The following PLCG1 variants were observed in gnomAD, a reference collection of about 807,000 sequenced individuals.
PLCG1 encodes the protein phospholipase C gamma 1, also known as 1-phosphatidylinositol 4,5-bisphosphate phosphodiesterase gamma-1.
PLCG1 carries 71 observed loss-of-function variants against 177.8 expected under a neutral mutation model. The observed-to-expected ratio is 0.40, with a 90% CI of 0.33 to 0.49. The LOEUF (loss-of-function observed/expected upper bound fraction) is 0.49, where lower values mean the gene tolerates loss of function less well. Among genes scored for constraint, PLCG1 ranks in the 20% least tolerant of loss-of-function variants. PLCG1 has a pLI of 0.72. For missense variants in PLCG1, 1,281 were observed against 1,709.0 expected (o/e 0.75, Z 4.42); for synonymous variants, 658 against 647.9 (o/e 1.02, Z -0.24).
In PLCG1 at chr20:41,164,241, C is replaced by T; in HGVS notation, c.1217+40C>T. 6.2e-7 allele frequency: 1 copy of T among 1,609,586 alleles called. No homozygotes were observed. Among genetic ancestry groups the T allele is most frequent in the South Asian group, 1.1e-5 (1 of 90,890 alleles). On this transcript the variant is annotated intron_variant, in intron 12 of 31. Coordinates refer to ENST00000685551, the MANE Select transcript of PLCG1 (RefSeq NM_002660.3). The surrounding 1 kb of genome is among the most constrained non-coding windows in gnomAD (Gnocchi z 6.4). ...GGATGACCCAGGGGTTAACTTGGCT[C>T]CAGGTCTCTCGTTCTAGAGGGACAG... is the stretch of plus-strand genomic sequence containing the variant.
chr20:41,164,005 G>A lies in PLCG1; in HGVS notation c.1095G>A (p.Glu365=). Residue 365 remains glutamate (E), a splice_region_variant and synonymous_variant, in exon 11 of 32, where the codon GAG becomes GAA. Transcript: ENST00000685551. The surrounding 1 kb of genome is among the most constrained non-coding windows in gnomAD (Gnocchi z 6.4). The part of the protein sequence containing the change: ...RCLRMGCRCI[E]LDCWDGPDGM... Reference sequence around the variant, plus strand: ...TGCGGATGGGCTGTCGCTGCATTGAGTGTGCGTGGGGTCCAGGGCTGGGGG... The same window carrying A: ...TGCGGATGGGCTGTCGCTGCATTGAATGTGCGTGGGGTCCAGGGCTGGGGG... 6.2e-7 allele frequency: 1 copy of A among 1,614,192 alleles called. No individual in the cohort carries two copies. The highest frequency in any genetic ancestry group is 8.5e-7 in the Non-Finnish European group (1 of 1,180,028).
chr20:41,157,806 A>T lies in PLCG1; in HGVS notation c.218-1800A>T, dbSNP rs887234104. On this transcript the variant is annotated intron_variant, in intron 1 of 31. Transcript: ENST00000685551. This position sits in a 1 kb window ranked among gnomAD's most constrained non-coding sequence, Gnocchi z 5.4. ...GATGGAGCAGAGAGGGTGAGAGGGCAAAAGCTGGGGAGGTAAATTCCTGAG... is the reference window on the plus strand; with the variant it reads ...GATGGAGCAGAGAGGGTGAGAGGGCTAAAGCTGGGGAGGTAAATTCCTGAG... 1.3e-5 allele frequency among the ~76,000 whole-genome samples: 2 copies of T among 152,186 alleles called. No homozygotes were observed. The highest frequency in any genetic ancestry group is 2.9e-5 in the Non-Finnish European group (2 of 68,034).
Position 41,173,879 on chromosome 20 carries a change from C to T in PLCG1, c.3557-44C>T, listed in dbSNP as rs1184917698. 1.2e-6 allele frequency: 2 copies of T among 1,610,876 alleles called. No individual in the cohort carries two copies. The highest frequency in any genetic ancestry group is 1.7e-5 in the Admixed American group (1 of 59,978). ...TGGCAGGGTGGGGCTGGGCCCCTTGCTCTGTCCCTCGTGGGCTGAGGGCCA... is the reference window on the plus strand; with the variant it reads ...TGGCAGGGTGGGGCTGGGCCCCTTGTTCTGTCCCTCGTGGGCTGAGGGCCA... On this transcript the variant is annotated intron_variant, in intron 29 of 31. Coordinates refer to ENST00000685551, the MANE Select transcript of PLCG1 (RefSeq NM_002660.3). This position sits in a 1 kb window ranked among gnomAD's most constrained non-coding sequence, Gnocchi z 6.2.
rs2036016526 is a variant in PLCG1, at chr20:41,174,900, G to C, written c.*391G>C. 4.7e-6 allele frequency: 1 copy of C among 210,874 alleles called. No homozygotes were observed. Among genetic ancestry groups the C allele is most frequent in the African/African-American group, 2.3e-5 (1 of 43,098 alleles). 13.1% of individuals were successfully genotyped at this position (210,874 alleles called of 1,614,324 possible). A position where few individuals can be genotyped will look rare whatever the true frequency, so the allele number is the denominator to read the frequency against. On this transcript the variant is annotated 3_prime_UTR_variant, in exon 32 of 32. Coordinates refer to ENST00000685551, the MANE Select transcript of PLCG1 (RefSeq NM_002660.3). The surrounding 1 kb of genome is among the most constrained non-coding windows in gnomAD (Gnocchi z 5.8). ...CATTCCTAAGAGTGGAGGAGGAGGAGGAGCCTTGCTGGGCCAGGGAAACAA... is the reference window on the plus strand; with the variant it reads ...CATTCCTAAGAGTGGAGGAGGAGGACGAGCCTTGCTGGGCCAGGGAAACAA...
At position 41,148,361 on chromosome 20, in the gene PLCG1, TC is replaced by T. The variant is rs998214702; in HGVS notation, c.217+10508del. On this transcript the variant is annotated intron_variant, in intron 1 of 31. Coordinates refer to ENST00000685551, the MANE Select transcript of PLCG1 (RefSeq NM_002660.3). This position sits in a 1 kb window ranked among gnomAD's most constrained non-coding sequence, Gnocchi z 4.3. The stretch of plus-strand genomic sequence containing the variant: ...CCTCAGCCCCTGTTGCTCTGACGCT[TC>T]CCCCACCACTATGAGTCCTAGGCCC... Among the ~76,000 whole-genome samples, 1 of 152,010 alleles carries T rather than the reference TC, an allele frequency of 6.6e-6. No individual in the cohort carries two copies. The highest frequency in any genetic ancestry group is 1.5e-5 in the Non-Finnish European group (1 of 67,990).
Position 41,163,142 on chromosome 20 carries a change from T to G in PLCG1, c.717-61T>G, listed in dbSNP as rs2146038616. On this transcript the variant is annotated intron_variant, in intron 7 of 31. Transcript: ENST00000685551. The surrounding 1 kb of genome is among the most constrained non-coding windows in gnomAD (Gnocchi z 5.2). ...TGCTGGCTGGGAGTTGGGTTCTGCC[T>G]TCCGTGGGGCACCTTGTTGTCTGTT... is the stretch of plus-strand genomic sequence containing the variant. 8.5e-6 allele frequency: 13 copies of G among 1,529,562 alleles called. No individual in the cohort carries two copies. The Middle Eastern group carries it at 7.1e-4, about 83-fold the overall frequency. 94.7% of individuals were successfully genotyped at this position (1,529,562 alleles called of 1,614,324 possible).
Position 41,174,181 on chromosome 20 carries a change from GATGC to G in PLCG1, c.3704_3707del (p.Asp1235AlafsTer101). On this transcript the variant is annotated frameshift_variant, in exon 31 of 32. Transcript: ENST00000685551. LOFTEE classifies it high-confidence loss of function. This position sits in a 1 kb window ranked among gnomAD's most constrained non-coding sequence, Gnocchi z 5.8. ...TACGTCCCTGCGGGAGCGGGGCTCAGATGCCTCAGGCCAGCTGTTTCATGGCCGA... is the reference window on the plus strand; with the variant it reads ...TACGTCCCTGCGGGAGCGGGGCTCAGCTCAGGCCAGCTGTTTCATGGCCGA... 6.2e-7 allele frequency: 1 copy of G among 1,614,188 alleles called. No homozygotes were observed. Among genetic ancestry groups the G allele is most frequent in the Non-Finnish European group, 8.5e-7 (1 of 1,180,022 alleles).
In PLCG1 at chr20:41,165,662, C is replaced by T. The variant is rs775474675; in HGVS notation, c.1635C>T (p.His545=). Residue 545 remains histidine (H), a synonymous_variant, in exon 16 of 32, where the codon CAC becomes CAT. Transcript: ENST00000685551. This position sits in a 1 kb window ranked among gnomAD's most constrained non-coding sequence, Gnocchi z 6.6. Reference sequence around the variant, plus strand: ...AGGTCAGCAGCAGCACAGAGCTGCACTCCAATGAGAAGTGGTTCCATGGGA... The same window carrying T: ...AGGTCAGCAGCAGCACAGAGCTGCATTCCAATGAGAAGTGGTTCCATGGGA... The part of the protein sequence containing the change: ...PKEVSSSTEL[H]SNEKWFHGKL... 1.2e-6 allele frequency: 2 copies of T among 1,613,856 alleles called. No individual in the cohort carries two copies. Among genetic ancestry groups the T allele is most frequent in the Admixed American group, 3.3e-5 (2 of 60,010 alleles).
rs748094134 is a variant in PLCG1, at chr20:41,165,543, C to A, written c.1603C>A (p.Pro535Thr). Residue 535 changes from proline (P) to threonine (T), a missense_variant, in exon 15 of 32, where the codon CCC (proline) becomes ACC (threonine). By Grantham distance (38) the Pro-to-Thr change is conservative (BLOSUM62 -1). Coordinates refer to ENST00000685551, the MANE Select transcript of PLCG1 (RefSeq NM_002660.3). The surrounding 1 kb of genome is among the most constrained non-coding windows in gnomAD (Gnocchi z 6.6). ...SDQGNEDEEE[P>T]KEVSSSTELH... is the part of the protein sequence containing the mutation. Reference sequence around the variant, plus strand: ...CCAGGGCAACGAGGATGAGGAGGAGCCCAAGGAGGTGAGGAACCAGCTCAG... The same window carrying A: ...CCAGGGCAACGAGGATGAGGAGGAGACCAAGGAGGTGAGGAACCAGCTCAG... 6.2e-7 allele frequency: 1 copy of A among 1,613,736 alleles called. No homozygotes were observed. Among genetic ancestry groups the A allele is most frequent in the South Asian group, 1.1e-5 (1 of 91,066 alleles).
Position 41,174,711 on chromosome 20 carries a change from G to C in PLCG1, c.*202G>C, listed in dbSNP as rs2146068383. 1.7e-6 allele frequency: 1 copy of C among 598,418 alleles called. No individual in the cohort carries two copies. The highest frequency in any genetic ancestry group is 2.8e-5 in the East Asian group (1 of 35,524). The allele number at this position is 598,418 out of a possible 1,614,324, so 37.1% of individuals were successfully genotyped here. The stretch of plus-strand genomic sequence containing the variant: ...TTTGGGCCTCCATGCCCCAGCTCTG[G>C]ATGAAGGCAAAAACTGTACTGTGTT... On this transcript the variant is annotated 3_prime_UTR_variant, in exon 32 of 32. Transcript: ENST00000685551. This position sits in a 1 kb window ranked among gnomAD's most constrained non-coding sequence, Gnocchi z 5.8.
Position 41,162,668 on chromosome 20 carries a change from C to G in PLCG1, c.624C>G (p.Ile208Met). ...LTDLEQRSGD[I>M]TYGQFAQLYR... ...ACCTGGAGCAGCGCAGCGGGGACAT[C>G]ACCTACGGGCAGTTTGCTCAGCTGT... The change falls in exon 6 of 32, where the codon ATC becomes ATG. Residue 208 changes from isoleucine (I) to methionine (M), a missense_variant. Ile to Met is a conservative substitution (Grantham distance 10). Transcript: ENST00000685551. 2 of 1,614,024 alleles carry G rather than the reference C, an allele frequency of 1.2e-6. No individual in the cohort carries two copies. Among genetic ancestry groups the G allele is most frequent in the Non-Finnish European group, 1.7e-6 (2 of 1,179,970 alleles).
At chr20:41,143,539 G>A (rs2034898097) in intron 1 of PLCG1, among the ~76,000 whole-genome samples, 1 of 152,234 alleles carries the variant, frequency 6.6e-6, no homozygotes, top group Admixed American at 6.5e-5. Flanking sequence ...CATGGGAACA[G>A]TGCGTCCTTG....
Position 41,170,157 on chromosome 20 carries a change from TCAG to T in PLCG1, c.2699_2701del (p.Ser900del). 1 of 1,614,052 alleles carries T rather than the reference TCAG, an allele frequency of 6.2e-7. No individual in the cohort carries two copies. The highest frequency in any genetic ancestry group is 2.2e-5 in the East Asian group (1 of 44,882). ...AACAACCGGCTCTTCGTCTTCTCCA[TCAG>T]CATGGCGTCGGTGGCCCACTGGTCC... is the stretch of plus-strand genomic sequence containing the variant. On this transcript the variant is annotated inframe_deletion, in exon 24 of 32. Coordinates refer to ENST00000685551, the MANE Select transcript of PLCG1 (RefSeq NM_002660.3).
chr20:41,159,090 C>T lies in PLCG1; in HGVS notation c.218-516C>T, dbSNP rs538602625. Among the ~76,000 whole-genome samples, 6 of 152,268 alleles carry T rather than the reference C, an allele frequency of 3.9e-5. No individual in the cohort carries two copies. In the East Asian group the frequency reaches 1.2e-3, roughly 29 times the overall value. On this transcript the variant is annotated intron_variant, in intron 1 of 31. Coordinates refer to ENST00000685551, the MANE Select transcript of PLCG1 (RefSeq NM_002660.3). This position sits in a 1 kb window ranked among gnomAD's most constrained non-coding sequence, Gnocchi z 6.0. Reference sequence around the variant, plus strand: ...GTCAGGGGATGGGGTGGGGATTAGGCCCCTTGCTGAGACTTGTGTGGGGAT... The same window carrying T: ...GTCAGGGGATGGGGTGGGGATTAGGTCCCTTGCTGAGACTTGTGTGGGGAT...
chr20:41,172,982 G>A lies in PLCG1; in HGVS notation c.3279+105G>A, dbSNP rs956354581. 21 of 1,217,872 alleles carry A rather than the reference G, an allele frequency of 1.7e-5. No individual in the cohort carries two copies. Among genetic ancestry groups the A allele is most frequent in the Admixed American group, 1.1e-4 (5 of 46,940 alleles). 75.4% of individuals were successfully genotyped at this position (1,217,872 alleles called of 1,614,324 possible). A position where few individuals can be genotyped will look rare whatever the true frequency, so the allele number is the denominator to read the frequency against. The stretch of plus-strand genomic sequence containing the variant: ...AGTAGGTATTTTCAGGCATCAAGGT[G>A]GTCAGGGTGGGTGGGGCCTGAGCTG... On this transcript the variant is annotated intron_variant, in intron 27 of 31. Transcript: ENST00000685551. The surrounding 1 kb of genome is among the most constrained non-coding windows in gnomAD (Gnocchi z 7.0).
chr20:41,168,784 C>G lies in PLCG1; in HGVS notation c.2397C>G (p.Leu799=), dbSNP rs369687296. The G allele has an allele frequency of 2.3e-5, 37 of 1,611,126 alleles. No homozygotes were observed. In the African/African-American group the frequency reaches 4.5e-4, roughly 20 times the overall value. The change falls in exon 21 of 32, where the codon CTC becomes CTG. Residue 799 remains leucine (L), a synonymous_variant. Transcript: ENST00000685551. ...CTCTGCAGTGTGCAGTCAAAGCCCT[C>G]TTTGACTACAAGGCCCAGAGGGAGG... ...MPTFKCAVKA[L]FDYKAQREDE...
chr20:41,173,289 C>T lies in PLCG1; in HGVS notation c.3280-131C>T, dbSNP rs1180406564. The T allele has an allele frequency of 2.6e-5, 23 of 891,590 alleles. No homozygotes were observed. The highest frequency in any genetic ancestry group is 3.7e-5 in the Non-Finnish European group (22 of 592,882). The allele number at this position is 891,590 out of a possible 1,614,324, so 55.2% of individuals were successfully genotyped here. ...GGGTCCCTGATGTCGTGAGGGACTC[C>T]ATGGGCAGTGTCCCGGGGGCCCAGC... On this transcript the variant is annotated intron_variant, in intron 27 of 31. Coordinates refer to ENST00000685551, the MANE Select transcript of PLCG1 (RefSeq NM_002660.3). The surrounding 1 kb of genome is among the most constrained non-coding windows in gnomAD (Gnocchi z 6.2).
At position 41,170,266 on chromosome 20, in the gene PLCG1, C is replaced by T. The variant is rs201973799; in HGVS notation, c.2805C>T (p.Ala935=). 3.8e-4 allele frequency: 613 copies of T among 1,614,032 alleles called. No homozygotes were observed. The highest frequency in any genetic ancestry group is 6.3e-4 in the Admixed American group (38 of 60,016). Residue 935 remains alanine (A), a synonymous_variant, in exon 24 of 32, where the codon GCC becomes GCT. Coordinates refer to ENST00000685551, the MANE Select transcript of PLCG1 (RefSeq NM_002660.3). ...GTGAAGTGGCCCAGACAGCAGACGC[C>T]AGGGTGAGATTCTGCTGGAACCTTC... ...KIREVAQTAD[A]RLTEGKIMER...
intron 20 of PLCG1, among the ~76,000 whole-genome samples, chr20:41,168,322 C>T (rs1329352625): frequency 6.6e-6 from 1 of 152,238 alleles, no homozygotes; most frequent in Non-Finnish European, 1.5e-5. Flanking sequence ...CACCCCCTCC[C>T]CTCCACAGCC....
Sources: allele counts gnomAD v4.1 joint callset (sites outside exome capture counted in the v4.1 genomes callset), GRCh38; gene constraint gnomAD v4.1.1; non-coding constraint Gnocchi (gnomAD v3.1); transcripts MANE v1.5; gene names NCBI Gene and HGNC (gene_info 2026-07-23, HGNC 2026-07-21).